The following SI variants were observed in gnomAD, a reference collection of about 807,000 sequenced individuals.
SI encodes the protein sucrase-isomaltase, also known as sucrase-isomaltase, intestinal.
A neutral mutation model predicts 253.3 loss-of-function variants in SI; 235 were observed. The observed-to-expected ratio is 0.93, with a 90% CI of 0.83 to 1.03. The LOEUF is 1.03. Ranked by LOEUF, SI falls within the 50% of genes least tolerant of loss-of-function variation. The pLI, the probability that SI is intolerant of heterozygous loss-of-function variation, is 0.00. For missense variants in SI, 2,442 were observed against 2,211.1 expected, an observed-to-expected ratio of 1.10 and a Z score of -2.09; for synonymous variants, 819 against 712.0, an observed-to-expected ratio of 1.15 and a Z score of -2.39.
At chr3:165,076,888 A>G (rs1416242467) in intron 1 of SI, among the ~76,000 whole-genome samples, 4 of 151,442 alleles carry the variant, frequency 2.6e-5, no homozygotes, top group South Asian at 2.1e-4. Flanking sequence ...ATTTTAGTAT[A>G]AATCTTAATT....
intron 13 of SI, among the ~76,000 whole-genome samples, chr3:165,054,869 T>C (rs1713617871): frequency 6.6e-6 from 1 of 152,158 alleles, no homozygotes; most frequent in Admixed American, 6.6e-5. Context: ...TGCACTGCAA[T>C]AGGCTTATCA....
intron 45 of SI, among the ~76,000 whole-genome samples, chr3:164,985,999 A>G (rs546530380): frequency 6.6e-6 from 1 of 152,042 alleles, no homozygotes; most frequent in African/African-American, 2.4e-5. Context: ...CTAAATTAAA[A>G]TATATCTCCT....
Position 165,017,980 on chromosome 3 carries a change from G to T in SI, c.3510C>A (p.Ser1170Arg). Residue 1170 changes from serine (S) to arginine (R), a missense_variant, in exon 29 of 48, where the codon AGC (serine) becomes AGA (arginine). Coordinates refer to ENST00000264382, the MANE Select transcript of SI (RefSeq NM_001041.4). ...GNAHGVFLLN[S>R]NAMDVTFQPT... ...AAATGATTGTTTTACCCATTGCATT[G>T]CTGTTGAGTAAGAAAACACCATGAG... is the stretch of plus-strand genomic sequence containing the variant. 6.2e-7 allele frequency: 1 copy of T among 1,607,040 alleles called. No homozygotes were observed. Among genetic ancestry groups the T allele is most frequent in the Non-Finnish European group, 8.5e-7 (1 of 1,173,892 alleles).
chr3:165,000,347 C>G (rs1341795889), intron 37 of SI, among the ~76,000 whole-genome samples: 1 of 141,708 alleles, frequency 7.1e-6, no homozygotes, highest in African/African-American at 2.5e-5. Flanking sequence ...ACAATGGGCA[C>G]AAAGTTACAG....
At chr3:165,060,850 G>T (rs1182810101) in intron 9 of SI, among the ~76,000 whole-genome samples, 1 of 141,978 alleles carries the variant, frequency 7.0e-6, no homozygotes. Flanking sequence ...TATATATCTG[G>T]TATATATATT....
At chr3:165,023,544 T>A in intron 26 of SI, 26 bp downstream of exon 26, 1 of 1,505,440 alleles carries the variant, frequency 6.6e-7, no homozygotes, top group Non-Finnish European at 9.2e-7. Flanking sequence ...TGAGTTAAGC[T>A]TTGGGGTAGT....
rs764620208 is a variant in SI, at chr3:165,009,305, T to A, written c.4153A>T (p.Lys1385Ter). The stretch of plus-strand genomic sequence containing the variant: ...ATCCACAAACCATCAAACTTCATCT[T>A]TTCATTGTAAAAGTCCACAATTTCT... ...AREIVDFYNE[K>*]MKFDGLWIDM... is the part of the protein sequence containing the mutation. Residue 1385 changes from lysine (K) to a stop codon, truncating the protein, a stop_gained, in exon 35 of 48, where the codon AAG becomes TAG. Coordinates refer to ENST00000264382, the MANE Select transcript of SI (RefSeq NM_001041.4). LOFTEE classifies it high-confidence loss of function. 15 of 1,610,862 alleles carry A rather than the reference T, an allele frequency of 9.3e-6. No individual in the cohort carries two copies. The highest frequency in any genetic ancestry group is 1.3e-5 in the Non-Finnish European group (15 of 1,177,156).
intron 37 of SI, among the ~76,000 whole-genome samples, chr3:165,000,900 T>C (rs1207622400): frequency 6.6e-6 from 1 of 151,520 alleles, no homozygotes; most frequent in South Asian, 2.1e-4. Context: ...GTGTGTTTAT[T>C]ATTGCCTACA....
chr3:165,042,598 G>T (rs1164810369), intron 17 of SI, among the ~76,000 whole-genome samples: 3 of 151,956 alleles, frequency 2.0e-5, no homozygotes, highest in African/African-American at 7.2e-5. Flanking sequence ...ATTTATTATT[G>T]AAAGACGCTG....
chr3:164,995,560 C>T (rs1267503942), intron 40 of SI, among the ~76,000 whole-genome samples: 2 of 150,768 alleles, frequency 1.3e-5, no homozygotes, highest in Admixed American at 6.6e-5. Context: ...TCAGTCTTTC[C>T]CTCCTTCTGC....
intron 20 of SI, 52 bp downstream of exon 20, chr3:165,039,026 G>C (rs896723200): frequency 8.8e-6 from 10 of 1,137,242 alleles, no homozygotes; most frequent in Non-Finnish European, 1.3e-5. Context: ...CTATGTAGAA[G>C]TGTTTGAAAA....
intron 47 of SI, among the ~76,000 whole-genome samples, chr3:164,980,209 C>T (rs1717114305): frequency 6.6e-6 from 1 of 151,730 alleles, no homozygotes; most frequent in South Asian, 2.1e-4. Flanking sequence ...CCTTAAAGCA[C>T]AGCACATTTG....
chr3:165,067,511 G>C lies in SI; in HGVS notation c.484-20C>G, dbSNP rs768160662. 6.3e-7 allele frequency: 1 copy of C among 1,587,060 alleles called. No homozygotes were observed. Among genetic ancestry groups the C allele is most frequent in the African/African-American group, 1.3e-5 (1 of 74,356 alleles). On this transcript the variant is annotated intron_variant, in intron 5 of 47. Transcript: ENST00000264382. The stretch of plus-strand genomic sequence containing the variant: ...AGTAATCTGGAAAGATTTAAGCAAG[G>C]TAGCATTACTGGATTCTAAACTATT...
At position 165,044,249 on chromosome 3, in the gene SI, C is replaced by T. The variant is rs1176843345; in HGVS notation, c.1888-1074G>A. 1.3e-5 allele frequency among the ~76,000 whole-genome samples: 2 copies of T among 151,950 alleles called. 1 individual carries two copies. Among genetic ancestry groups the T allele is most frequent in the Admixed American group, 1.3e-4 (2 of 15,220 alleles). ...ACACATTTTGGATAGGGGTTACTCACCCTGTATAGATATCCTTGTGAATAT... is the reference window on the plus strand; with the variant it reads ...ACACATTTTGGATAGGGGTTACTCATCCTGTATAGATATCCTTGTGAATAT... On this transcript the variant is annotated intron_variant, in intron 16 of 47. Coordinates refer to ENST00000264382, the MANE Select transcript of SI (RefSeq NM_001041.4).
chr3:164,983,173 T>A, intron 45 of SI, 122 bp from the exon 46 acceptor site: 1 of 953,448 alleles, frequency 1.0e-6, no homozygotes, highest in Non-Finnish European at 1.5e-6. Context: ...AAGATGTACC[T>A]ATTTTTTCTC....
chr3:165,046,791 A>T, intron 16 of SI, 50 bp downstream of exon 16: 9 of 1,359,818 alleles, frequency 6.6e-6, no homozygotes, highest in Non-Finnish European at 9.4e-6. Flanking sequence ...TACATTAAAA[A>T]TTAATGTAAT....
chr3:165,007,070 A>G, intron 36 of SI, 116 bp from the exon 37 acceptor site: 1 of 801,390 alleles, frequency 1.2e-6, no homozygotes, highest in Non-Finnish European at 2.0e-6. Context: ...TATAAAACCT[A>G]TGTATATTTT....
At chr3:165,037,800 T>C in intron 21 of SI, 100 bp downstream of exon 21, 2 of 839,114 alleles carry the variant, frequency 2.4e-6, no homozygotes, top group Non-Finnish European at 3.9e-6. Context: ...AAATATCTTC[T>C]GGTGCAGAAA....
chr3:165,033,007 G>GA (rs1328106832), intron 23 of SI, among the ~76,000 whole-genome samples: 3 of 151,184 alleles, frequency 2.0e-5, no homozygotes, highest in African/African-American at 4.8e-5. Flanking sequence ...CAAAATCTAT[G>GA]AAAAAATCAT....
Sources: allele counts gnomAD v4.1 joint callset (sites outside exome capture counted in the v4.1 genomes callset), GRCh38; gene constraint gnomAD v4.1.1; transcripts MANE v1.5; gene names NCBI Gene and HGNC (gene_info 2026-07-23, HGNC 2026-07-21).